The following KCNQ1 variants were observed in gnomAD, a reference collection of about 807,000 sequenced individuals.
KCNQ1 encodes potassium voltage-gated channel subfamily Q member 1.
A neutral mutation model predicts 72.4 loss-of-function variants in KCNQ1; 49 were observed. The ratio of observed to expected loss-of-function variants is 0.68; its 90% CI spans 0.54 to 0.86. The LOEUF is 0.86. Ranked by LOEUF, KCNQ1 falls within the 40% of genes least tolerant of loss-of-function variation. KCNQ1 has a pLI of 0.00. For missense variants in KCNQ1, 790 were observed against 945.1 expected (o/e 0.84, Z 2.15); for synonymous variants, 450 against 412.6 (o/e 1.09, Z -1.10).
rs1170001521 is a variant in KCNQ1, at chr11:2,464,986, C to T, written c.386+19502C>T. Among the ~76,000 whole-genome samples the T allele has an allele frequency of 2.0e-5, 3 of 152,134 alleles. No individual in the cohort carries two copies. The highest frequency in any genetic ancestry group is 2.9e-5 in the Non-Finnish European group (2 of 68,032). On this transcript the variant is annotated intron_variant, in intron 1 of 15. Coordinates refer to ENST00000155840, the MANE Select transcript of KCNQ1 (RefSeq NM_000218.3). This position sits in a 1 kb window ranked among gnomAD's most constrained non-coding sequence, Gnocchi z 5.0. ...GTCCAGTGCAGGGAGCTGCCCCGGC[C>T]GCCCCCGTGGGTGCAGGCCATGGGC...
At position 2,457,084 on chromosome 11, in the gene KCNQ1, A is replaced by G. The variant is rs1846207084; in HGVS notation, c.386+11600A>G. The stretch of plus-strand genomic sequence containing the variant: ...TGATCATCAGAGAAATGCAAATCAA[A>G]GTCACAATGAGATACCATCTCACGC... On this transcript the variant is annotated intron_variant, in intron 1 of 15. Coordinates refer to ENST00000155840, the MANE Select transcript of KCNQ1 (RefSeq NM_000218.3). The surrounding 1 kb of genome is among the most constrained non-coding windows in gnomAD (Gnocchi z 5.0). Among the ~76,000 whole-genome samples, 1 of 152,216 alleles carries G rather than the reference A, an allele frequency of 6.6e-6. No individual in the cohort carries two copies. The highest frequency in any genetic ancestry group is 1.5e-5 in the Non-Finnish European group (1 of 68,042).
At chr11:2,732,723 A>G (rs527787096) in intron 11 of KCNQ1, among the ~76,000 whole-genome samples, 1 of 152,284 alleles carries the variant, frequency 6.6e-6, no homozygotes, top group South Asian at 2.1e-4. Context: ...GGGCCGGCGC[A>G]CACAGCTCCC....
intron 1 of KCNQ1, among the ~76,000 whole-genome samples, chr11:2,514,252 C>CTCTTA (rs113913578): frequency 1.3e-5 from 2 of 152,378 alleles, no homozygotes; most frequent in African/African-American, 4.8e-5. Flanking sequence ...TCCCAGCTCA[C>CTCTTA]TCTTAGCCTG....
chr11:2,574,549 A>G (rs1448554453), intron 6 of KCNQ1, among the ~76,000 whole-genome samples: 1 of 152,156 alleles, frequency 6.6e-6, no homozygotes. Flanking sequence ...CCTTCCAGAA[A>G]GGACCGGACT....
At position 2,491,009 on chromosome 11, in the gene KCNQ1, AG is replaced by A. The variant is rs2133626586; in HGVS notation, c.387-36917del. Among the ~76,000 whole-genome samples, 1 of 152,308 alleles carries A rather than the reference AG, an allele frequency of 6.6e-6. No individual in the cohort carries two copies. Among genetic ancestry groups the A allele is most frequent in the South Asian group, 2.1e-4 (1 of 4,828 alleles). ...GCGTGAGCCACTGCGCCTGGCCCCAAGGCAGTATTTTTATGAGTCTGCAAGA... is the reference window on the plus strand; with the variant it reads ...GCGTGAGCCACTGCGCCTGGCCCCAAGCAGTATTTTTATGAGTCTGCAAGA... On this transcript the variant is annotated intron_variant, in intron 1 of 15. Transcript: ENST00000155840. The surrounding 1 kb of genome is among the most constrained non-coding windows in gnomAD (Gnocchi z 4.1).
At chr11:2,655,229 G>A in intron 10 of KCNQ1, 1 of 398,644 alleles carries the variant, frequency 2.5e-6, no homozygotes, top group African/African-American at 2.1e-5. Flanking sequence ...CCACGCCCGA[G>A]GCTGCCTTTG....
Position 2,804,984 on chromosome 11 carries a change from G to T in KCNQ1, c.1794+26947G>T, listed in dbSNP as rs899205931. The stretch of plus-strand genomic sequence containing the variant: ...AGTCAGATACAATGCTGACAGGGAC[G>T]GCAGAGTTCCACAGGCAATGAGGCC... On this transcript the variant is annotated intron_variant, in intron 15 of 15. Transcript: ENST00000155840. 2.6e-5 allele frequency among the ~76,000 whole-genome samples: 4 copies of T among 152,252 alleles called. No individual in the cohort carries two copies. The South Asian group carries it at 8.3e-4, about 31-fold the overall frequency.
chr11:2,750,783 A>T lies in KCNQ1; in HGVS notation c.1515-18061A>T, dbSNP rs1590067831. 6.6e-6 allele frequency among the ~76,000 whole-genome samples: 1 copy of T among 152,190 alleles called. No individual in the cohort carries two copies. The highest frequency in any genetic ancestry group is 1.5e-5 in the Non-Finnish European group (1 of 68,012). ...GGATCCCCTGGCTCTTTCACTGAAA[A>T]CACTTTTCTTGTTTTCTTTCTCCGG... On this transcript the variant is annotated intron_variant, in intron 11 of 15. Coordinates refer to ENST00000155840, the MANE Select transcript of KCNQ1 (RefSeq NM_000218.3). The surrounding 1 kb of genome is among the most constrained non-coding windows in gnomAD (Gnocchi z 6.3).
At chr11:2,779,484 C>G (rs930096173) in intron 15 of KCNQ1, among the ~76,000 whole-genome samples, 1 of 152,096 alleles carries the variant, frequency 6.6e-6, no homozygotes, top group Non-Finnish European at 1.5e-5. Flanking sequence ...GCCAGGCAGG[C>G]GGGGCGTGAA....
intron 11 of KCNQ1, among the ~76,000 whole-genome samples, chr11:2,719,149 A>C (rs1303167890): frequency 8.1e-6 from 1 of 123,746 alleles, no homozygotes; most frequent in Non-Finnish European, 1.7e-5. Context: ...CTGACCTCCC[A>C]AGTCTCAGGC....
Position 2,457,532 on chromosome 11 carries a change from A to G in KCNQ1, c.386+12048A>G, listed in dbSNP as rs1240353285. Among the ~76,000 whole-genome samples the G allele has an allele frequency of 6.6e-6, 1 of 152,166 alleles. No individual in the cohort carries two copies. Among genetic ancestry groups the G allele is most frequent in the Non-Finnish European group, 1.5e-5 (1 of 68,036 alleles). On this transcript the variant is annotated intron_variant, in intron 1 of 15. Transcript: ENST00000155840. The surrounding 1 kb of genome is among the most constrained non-coding windows in gnomAD (Gnocchi z 5.0). ...TGAATTAATGCAGAAACTGAAAACCAAATACTGCGTGGTCTCATGGATTAT... is the reference window on the plus strand; with the variant it reads ...TGAATTAATGCAGAAACTGAAAACCGAATACTGCGTGGTCTCATGGATTAT...
Position 2,652,132 on chromosome 11 carries a change from C to G in KCNQ1, c.1394-9829C>G, listed in dbSNP as rs1849766749. On this transcript the variant is annotated intron_variant, in intron 10 of 15. Transcript: ENST00000155840. The surrounding 1 kb of genome is among the most constrained non-coding windows in gnomAD (Gnocchi z 5.9). ...GCTGGGAGGTGGCCTGGGAAGGGAC[C>G]TGTGTTTCTCAAGCCCGCGCCCTCG... The G allele has an allele frequency of 2.5e-6, 1 of 398,550 alleles. No homozygotes were observed. The highest frequency in any genetic ancestry group is 4.4e-6 in the Non-Finnish European group (1 of 226,136). 24.7% of individuals were successfully genotyped at this position (398,550 alleles called of 1,614,324 possible). A position where few individuals can be genotyped will look rare whatever the true frequency, so the allele number is the denominator to read the frequency against.
chr11:2,644,726 A>T (rs1849640325), intron 10 of KCNQ1: 2 of 398,500 alleles, frequency 5.0e-6, no homozygotes, highest in South Asian at 2.5e-4. Context: ...CTGAAGATAT[A>T]TCTATGGTGT....
In KCNQ1 at chr11:2,613,648, A is replaced by C. The variant is rs1849016366; in HGVS notation, c.1393+24794A>C. On this transcript the variant is annotated intron_variant, in intron 10 of 15. Coordinates refer to ENST00000155840, the MANE Select transcript of KCNQ1 (RefSeq NM_000218.3). The surrounding 1 kb of genome is among the most constrained non-coding windows in gnomAD (Gnocchi z 4.8). ...TTGCTTTTCAGGGAGTGGTTATATC[A>C]AGGTGCTCATTCCACCACCTCAGAA... The C allele has an allele frequency of 1.8e-5, 7 of 398,426 alleles. No individual in the cohort carries two copies. The East Asian group carries it at 2.5e-4, about 14-fold the overall frequency. 24.7% of individuals were successfully genotyped at this position (398,426 alleles called of 1,614,324 possible). A position where few individuals can be genotyped will look rare whatever the true frequency, so the allele number is the denominator to read the frequency against.
chr11:2,584,824 T>C (rs1848569159), intron 7 of KCNQ1, among the ~76,000 whole-genome samples: 1 of 152,126 alleles, frequency 6.6e-6, no homozygotes. Flanking sequence ...TCAACCGTCC[T>C]TGGGCGAGGC....
chr11:2,525,919 G>A (rs113470648), intron 1 of KCNQ1, among the ~76,000 whole-genome samples: 2,179 of 152,330 alleles, frequency 0.014, 61 homozygotes, highest in African/African-American at 0.05. Context: ...GGGTGCTCAT[G>A]GTCTAGGGGG....
chr11:2,696,592 C>T (rs1004486236), intron 11 of KCNQ1: 6 of 398,530 alleles, frequency 1.5e-5, no homozygotes, highest in Non-Finnish European at 1.8e-5. Context: ...TTAAATTACT[C>T]AAGCCCTCCA....
Position 2,807,584 on chromosome 11 carries a change from C to A in KCNQ1, c.1794+29547C>A, listed in dbSNP as rs1200945068. On this transcript the variant is annotated intron_variant, in intron 15 of 15. Coordinates refer to ENST00000155840, the MANE Select transcript of KCNQ1 (RefSeq NM_000218.3). ...CGGGCCGGGCCCTCCTCGGGCCCAG[C>A]CTACCAGGCCTTCCCGCCCAGTGCC... 1.8e-4 allele frequency among the ~76,000 whole-genome samples: 28 copies of A among 152,206 alleles called. 1 individual carries two copies. Among genetic ancestry groups the A allele is most frequent in the Admixed American group, 1.8e-3 (28 of 15,294 alleles).
rs898938756 is a variant in KCNQ1 at position 2,478,743 on chromosome 11, C to T, written c.386+33259C>T. Among the ~76,000 whole-genome samples the T allele has an allele frequency of 2.0e-5, 3 of 152,152 alleles. No homozygotes were observed. In the East Asian group the frequency reaches 5.8e-4, roughly 29 times the overall value. ...AATCTCATGTCCTCACATTTCAAAA[C>T]CAATCATGCCTTCCCAACGGTGCCC... On this transcript the variant is annotated intron_variant, in intron 1 of 15. Coordinates refer to ENST00000155840, the MANE Select transcript of KCNQ1 (RefSeq NM_000218.3). This position sits in a 1 kb window ranked among gnomAD's most constrained non-coding sequence, Gnocchi z 4.0.
Sources: gnomAD v4.1 joint callset for allele counts (sites outside exome capture counted in the v4.1 genomes callset) on GRCh38, gnomAD v4.1.1 for gene constraint, Gnocchi (gnomAD v3.1) non-coding constraint, MANE v1.5 for transcripts, NCBI Gene and HGNC (gene_info 2026-07-23, HGNC 2026-07-21) for gene names.